Variants in VPS13B observed in about 807,000 individuals in gnomAD.
VPS13B encodes the protein intermembrane lipid transfer protein VPS13B.
A neutral mutation model predicts 426.4 loss-of-function variants in VPS13B; 285 were observed. The observed-to-expected ratio is 0.67, with a 90% CI of 0.61 to 0.74. VPS13B has a LOEUF of 0.74. Among genes scored for constraint, VPS13B ranks in the 30% least tolerant of loss-of-function variants. The probability of loss-of-function intolerance (pLI) is 0.00; values close to 1 mark genes in which losing one functional copy is unlikely to be tolerated. For synonymous variants in VPS13B, 1,676 were observed against 1,676.4 expected, an observed-to-expected ratio of 1.00 and a Z score of 0.01; for missense variants, 4,537 against 4,782.6, an observed-to-expected ratio of 0.95 and a Z score of 1.51.
intron 19 of VPS13B, among the ~76,000 whole-genome samples, chr8:99,339,616 T>G (rs540758696): frequency 1.4e-4 from 22 of 152,106 alleles, no homozygotes; most frequent in Non-Finnish European, 2.8e-4. Flanking sequence ...CAGTTTTTTT[T>G]TTTTTCCAGT....
chr8:99,073,341 A>G (rs1844936296), intron 3 of VPS13B, among the ~76,000 whole-genome samples: 1 of 152,230 alleles, frequency 6.6e-6, no homozygotes, highest in Non-Finnish European at 1.5e-5. Context: ...TTTTAACAAT[A>G]TTAATTCCTC....
At chr8:99,364,122 G>T (rs1300082535) in intron 19 of VPS13B, among the ~76,000 whole-genome samples, 1 of 152,100 alleles carries the variant, frequency 6.6e-6, no homozygotes, top group Non-Finnish European at 1.5e-5. Context: ...CTTTTATTAT[G>T]TTGAGGTATG....
intron 15 of VPS13B, among the ~76,000 whole-genome samples, chr8:99,168,335 G>A (rs1410766980): frequency 2.0e-5 from 3 of 151,714 alleles, no homozygotes; most frequent in Non-Finnish European, 2.9e-5. Context: ...AGGGGATCTC[G>A]TCTACACCCA....
At chr8:99,871,309 T>A in intron 60 of VPS13B, 139 bp from the exon 61 acceptor site, 2 of 1,308,948 alleles carry the variant, frequency 1.5e-6, no homozygotes, top group Non-Finnish European at 2.2e-6. Context: ...GACAATTACA[T>A]TTCAAGCTAA....
intron 30 of VPS13B, among the ~76,000 whole-genome samples, chr8:99,533,753 T>A (rs990924810): frequency 1.3e-5 from 2 of 152,224 alleles, no homozygotes; most frequent in Non-Finnish European, 2.9e-5. Flanking sequence ...AGCCTTTCTT[T>A]ATTCCTGATG....
At chr8:99,410,831 G>A (rs914324731) in intron 21 of VPS13B, among the ~76,000 whole-genome samples, 1 of 152,084 alleles carries the variant, frequency 6.6e-6, no homozygotes, top group Non-Finnish European at 1.5e-5. Context: ...TTCTGTTCTT[G>A]TGTTAGTTTG....
chr8:99,567,722 TTA>T (rs1030863921), intron 31 of VPS13B, among the ~76,000 whole-genome samples: 7 of 152,308 alleles, frequency 4.6e-5, no homozygotes, highest in Admixed American at 1.3e-4. Flanking sequence ...ACTTTCCTTA[TTA>T]TTATACTTAT....
intron 19 of VPS13B, among the ~76,000 whole-genome samples, chr8:99,297,738 T>C (rs1820123590): frequency 6.6e-6 from 1 of 152,218 alleles, no homozygotes; most frequent in Non-Finnish European, 1.5e-5. Flanking sequence ...TAGATAAACA[T>C]AGAATTGTAC....
At chr8:99,014,117 T>TC (rs1425383509) in intron 2 of VPS13B, among the ~76,000 whole-genome samples, 182 bp downstream of exon 2, 2 of 120,018 alleles carry the variant, frequency 1.7e-5, no homozygotes. Context: ...TTTCTTTTTT[T>TC]TTTTTTTTTT....
At chr8:99,519,644 C>A (rs977397396) in intron 29 of VPS13B, among the ~76,000 whole-genome samples, 3 of 152,110 alleles carry the variant, frequency 2.0e-5, no homozygotes, top group African/African-American at 7.2e-5. Context: ...GAGTTCACGT[C>A]CTTTGTAGGG....
chr8:99,582,075 C>T (rs1826090808), intron 33 of VPS13B, among the ~76,000 whole-genome samples: 2 of 152,206 alleles, frequency 1.3e-5, no homozygotes, highest in Admixed American at 6.5e-5. Context: ...AGCTCCACTA[C>T]TCAGCCTTGA....
chr8:99,185,879 A>G (rs1320840823), intron 16 of VPS13B, among the ~76,000 whole-genome samples: 1 of 152,150 alleles, frequency 6.6e-6, no homozygotes, highest in African/African-American at 2.4e-5. Flanking sequence ...TAGTTTGTCA[A>G]CAAATGGTAC....
intron 15 of VPS13B, among the ~76,000 whole-genome samples, chr8:99,158,517 G>A (rs1294239994): frequency 6.6e-6 from 1 of 152,070 alleles, no homozygotes. Flanking sequence ...TGGGCGACAG[G>A]GCAAGACGCT....
intron 19 of VPS13B, among the ~76,000 whole-genome samples, chr8:99,297,497 C>T (rs1422948775): frequency 1.3e-5 from 2 of 151,606 alleles, no homozygotes; most frequent in Non-Finnish European, 2.9e-5. Flanking sequence ...TGTAATAAGA[C>T]ATCATTACTT....
At chr8:99,400,126 G>A (rs1027925648) in intron 21 of VPS13B, among the ~76,000 whole-genome samples, 1 of 152,180 alleles carries the variant, frequency 6.6e-6, no homozygotes, top group African/African-American at 2.4e-5. Context: ...AGAAGAGAAA[G>A]CTTTAGAAGG....
chr8:99,195,348 C>T (rs1437829495), intron 17 of VPS13B, among the ~76,000 whole-genome samples: 2 of 152,116 alleles, frequency 1.3e-5, no homozygotes, highest in Non-Finnish European at 2.9e-5. Flanking sequence ...TGGCCGTTTG[C>T]ATTGTTCAGG....
chr8:99,634,266 A>G (rs1828983008), intron 33 of VPS13B, among the ~76,000 whole-genome samples: 1 of 151,976 alleles, frequency 6.6e-6, no homozygotes, highest in Non-Finnish European at 1.5e-5. Context: ...ATAATGATCT[A>G]GGTGTTATAG....
chr8:99,806,329 CT>C (rs959362824), intron 43 of VPS13B, among the ~76,000 whole-genome samples: 7 of 152,170 alleles, frequency 4.6e-5, no homozygotes, highest in Non-Finnish European at 7.3e-5. Flanking sequence ...CTCACATTGT[CT>C]TTTTGGCATG....
chr8:99,519,603 C>T (rs1445970533), intron 29 of VPS13B, among the ~76,000 whole-genome samples: 1 of 152,068 alleles, frequency 6.6e-6, no homozygotes, highest in Admixed American at 6.6e-5. Context: ...ACATATATAC[C>T]ATGGAAGACT....
Sources: gnomAD v4.1 joint callset for allele counts (sites outside exome capture counted in the v4.1 genomes callset) on GRCh38, gnomAD v4.1.1 for gene constraint, MANE v1.5 for transcripts, NCBI Gene and HGNC (gene_info 2026-07-23, HGNC 2026-07-21) for gene names.